The following ELMO1 variants were observed in gnomAD, a reference collection of about 807,000 sequenced individuals.
ELMO1 encodes the protein engulfment and cell motility protein 1.
In ELMO1, 26 loss-of-function variants were observed where a neutral mutation model predicts 98.9. The ratio of observed to expected loss-of-function variants is 0.26; its 90% confidence interval spans 0.19 to 0.36. The LOEUF (loss-of-function observed/expected upper bound fraction) is 0.36. Among genes scored for constraint, ELMO1 ranks in the 10% least tolerant of loss-of-function variants. The pLI, the probability that ELMO1 is intolerant of heterozygous loss-of-function variation, is 1.00. For synonymous variants in ELMO1, 346 were observed against 346.0 expected (o/e 1.00, Z 0.00); for missense variants, 627 against 935.2 (o/e 0.67, Z 4.30).
chr7:36,947,505 A>G (rs1363300620), intron 16 of ELMO1, among the ~76,000 whole-genome samples: 1 of 152,046 alleles, frequency 6.6e-6, no homozygotes, highest in Non-Finnish European at 1.5e-5. Flanking sequence ...CACATTCCCA[A>G]TCTGGGCCAT....
chr7:36,920,522 C>T (rs147976994), intron 16 of ELMO1, among the ~76,000 whole-genome samples: 21 of 152,260 alleles, frequency 1.4e-4, no homozygotes, highest in African/African-American at 4.8e-4. Flanking sequence ...CATAATCTCT[C>T]ACCCAATACA....
intron 2 of ELMO1, among the ~76,000 whole-genome samples, chr7:37,331,262 C>T (rs930308937): frequency 4.0e-5 from 6 of 151,156 alleles, no homozygotes; most frequent in East Asian, 1.9e-4. Context: ...CTCTGCCTCC[C>T]GGGTTCACAC....
intron 14 of ELMO1, among the ~76,000 whole-genome samples, chr7:37,131,076 T>C (rs547285635): frequency 2.0e-5 from 3 of 152,220 alleles, no homozygotes; most frequent in African/African-American, 7.2e-5. Context: ...ATCATGGAGA[T>C]ATCTATTGTC....
At chr7:36,887,448 G>T in intron 18 of ELMO1, 112 bp downstream of exon 18, 1 of 896,970 alleles carries the variant, frequency 1.1e-6, no homozygotes, top group South Asian at 1.7e-5. Flanking sequence ...TTCCTGTCCT[G>T]AGTACAATGC....
intron 13 of ELMO1, among the ~76,000 whole-genome samples, chr7:37,137,819 G>A (rs534844332): frequency 6.6e-6 from 1 of 152,112 alleles, no homozygotes; most frequent in African/African-American, 2.4e-5. Flanking sequence ...TTACAGGCGT[G>A]AGCCACTGTG....
chr7:37,370,441 A>G (rs1291885861), intron 1 of ELMO1, among the ~76,000 whole-genome samples: 1 of 152,030 alleles, frequency 6.6e-6, no homozygotes, highest in Non-Finnish European at 1.5e-5. Flanking sequence ...TCTCTTGTTG[A>G]TCTATATTTT....
intron 13 of ELMO1, among the ~76,000 whole-genome samples, chr7:37,191,956 T>C (rs1235306498): frequency 6.6e-6 from 1 of 152,196 alleles, no homozygotes; most frequent in Non-Finnish European, 1.5e-5. Flanking sequence ...CTGCACGTGA[T>C]GTTTATCCAG....
intron 7 of ELMO1, among the ~76,000 whole-genome samples, chr7:37,234,677 GGATGAT>G (rs10673256): frequency 6.6e-6 from 1 of 151,700 alleles, no homozygotes; most frequent in African/African-American, 2.4e-5. Flanking sequence ...TTAAAAATGG[GGATGAT>G]GATGATGATG....
intron 13 of ELMO1, among the ~76,000 whole-genome samples, chr7:37,171,561 C>A (rs977539902): frequency 1.7e-5 from 2 of 119,920 alleles, no homozygotes; most frequent in East Asian, 5.7e-4. Context: ...GGCACAATCT[C>A]GGCTCACTGC....
chr7:36,875,130 T>C (rs1483781826), intron 19 of ELMO1, among the ~76,000 whole-genome samples: 2 of 152,226 alleles, frequency 1.3e-5, no homozygotes, highest in Non-Finnish European at 2.9e-5. Context: ...GTCTCATTTT[T>C]CCAGTGGAAT....
intron 16 of ELMO1, among the ~76,000 whole-genome samples, chr7:36,928,548 G>A (rs1785766400): frequency 6.6e-6 from 1 of 152,144 alleles, no homozygotes; most frequent in Admixed American, 6.5e-5. Flanking sequence ...GCACTGACAA[G>A]AAATGCATCA....
chr7:37,102,209 C>A (rs1243601026), intron 14 of ELMO1, among the ~76,000 whole-genome samples: 1 of 152,144 alleles, frequency 6.6e-6, no homozygotes, highest in East Asian at 1.9e-4. Context: ...TCGGGAGTCA[C>A]TTCTCCTTCA....
chr7:37,022,958 A>T (rs928319224), intron 15 of ELMO1, among the ~76,000 whole-genome samples: 3 of 152,278 alleles, frequency 2.0e-5, no homozygotes, highest in Admixed American at 6.5e-5. Flanking sequence ...TCACAATAGC[A>T]TGAATGAACT....
intron 2 of ELMO1, among the ~76,000 whole-genome samples, chr7:37,330,308 T>G (rs1336928997): frequency 6.6e-6 from 1 of 152,242 alleles, no homozygotes; most frequent in Non-Finnish European, 1.5e-5. Flanking sequence ...TTTCATTCCC[T>G]TCTCTTTTGA....
At chr7:37,132,574 A>G (rs2551071) in intron 14 of ELMO1, among the ~76,000 whole-genome samples, 31,099 of 152,094 alleles carry the variant, frequency 0.2, 4,053 homozygotes, top group African/African-American at 0.37. Flanking sequence ...CAGTCAGCGG[A>G]TGGCATCTTC....
intron 16 of ELMO1, among the ~76,000 whole-genome samples, chr7:36,907,325 C>A (rs1272065811): frequency 6.6e-6 from 1 of 152,128 alleles, no homozygotes; most frequent in African/African-American, 2.4e-5. Flanking sequence ...AATTGGGACA[C>A]CCTCATAAAT....
In ELMO1 at chr7:36,853,573, A is replaced by C. The variant is rs1801998706; in HGVS notation, c.*1978T>G. 1.3e-5 allele frequency among the ~76,000 whole-genome samples: 2 copies of C among 152,246 alleles called. No homozygotes were observed. Among genetic ancestry groups the C allele is most frequent in the Non-Finnish European group, 2.9e-5 (2 of 68,042 alleles). ...TAATGATCAAGGAATTAACAGCTTG[A>C]CACAGGTGTGAGTGCTCTGATGGGA... On this transcript the variant is annotated 3_prime_UTR_variant, in exon 22 of 22. Coordinates refer to ENST00000310758, the MANE Select transcript of ELMO1 (RefSeq NM_014800.11).
intron 14 of ELMO1, among the ~76,000 whole-genome samples, chr7:37,122,161 G>A (rs919931896): frequency 6.6e-5 from 10 of 152,058 alleles, no homozygotes; most frequent in East Asian, 1.9e-4. Flanking sequence ...AGGAACAACC[G>A]GTACCAGCCA....
chr7:37,015,346 C>A (rs1218704549), intron 15 of ELMO1, among the ~76,000 whole-genome samples: 1 of 152,162 alleles, frequency 6.6e-6, no homozygotes, highest in African/African-American at 2.4e-5. Context: ...CACTTGTAAT[C>A]CCAGCACTTT....
Sources: allele counts gnomAD v4.1 joint callset (sites outside exome capture counted in the v4.1 genomes callset), GRCh38; gene constraint gnomAD v4.1.1; transcripts MANE v1.5; gene names NCBI Gene and HGNC (gene_info 2026-07-23, HGNC 2026-07-21).